Variants in BANK1 observed in about 807,000 individuals in gnomAD.
BANK1 encodes B cell scaffold protein with ankyrin repeats 1.
BANK1 carries 95 observed loss-of-function variants against 94.5 expected under a neutral mutation model. That is an observed-to-expected ratio of 1.00 (90% CI 0.85 to 1.19). The LOEUF (loss-of-function observed/expected upper bound fraction) is 1.19. Ranked by LOEUF, BANK1 falls within the 50% of genes most tolerant of loss-of-function variation. BANK1 has a pLI of 0.00. For missense variants in BANK1, 987 were observed against 932.2 expected, an observed-to-expected ratio of 1.06 and a Z score of -0.77; for synonymous variants, 334 against 308.4, an observed-to-expected ratio of 1.08 and a Z score of -0.87.
chr4:101,796,064 A>C (rs1306784406), intron 1 of BANK1, among the ~76,000 whole-genome samples: 1 of 152,228 alleles, frequency 6.6e-6, no homozygotes, highest in African/African-American at 2.4e-5. Flanking sequence ...AAGATTGATG[A>C]AAGATGAGAT....
At chr4:102,010,072 C>T (rs1320511584) in intron 7 of BANK1, among the ~76,000 whole-genome samples, 1 of 151,630 alleles carries the variant, frequency 6.6e-6, no homozygotes, top group Non-Finnish European at 1.5e-5. Context: ...CGAGACCATC[C>T]TGGCTAACAC....
intron 7 of BANK1, among the ~76,000 whole-genome samples, chr4:101,973,818 G>C (rs1725035434): frequency 6.6e-6 from 1 of 152,076 alleles, no homozygotes; most frequent in Non-Finnish European, 1.5e-5. Context: ...CTATGAAATA[G>C]AAAAGACAAT....
intron 5 of BANK1, among the ~76,000 whole-genome samples, chr4:101,879,160 GA>G (rs1298571072): frequency 1.3e-5 from 2 of 151,934 alleles, no homozygotes; most frequent in Admixed American, 6.6e-5. Flanking sequence ...AAAGATCAAT[GA>G]AAAAGTTTTC....
At chr4:102,026,367 T>TA (rs112296070) in intron 9 of BANK1, among the ~76,000 whole-genome samples, 2,642 of 143,974 alleles carry the variant, frequency 0.018, 60 homozygotes, top group African/African-American at 0.056. Flanking sequence ...ACAATTTAGT[T>TA]AAAAAAAAAA....
At chr4:101,800,860 C>T (rs10446707) in intron 1 of BANK1, among the ~76,000 whole-genome samples, 40,903 of 152,048 alleles carry the variant, frequency 0.27, 5,824 homozygotes, top group Non-Finnish European at 0.32. Context: ...TGGGTTCAAG[C>T]GATTCTCCTG....
intron 5 of BANK1, among the ~76,000 whole-genome samples, chr4:101,892,667 A>T (rs1268579985): frequency 1.3e-5 from 2 of 151,864 alleles, no homozygotes; most frequent in African/African-American, 4.8e-5. Flanking sequence ...GATAAATGTG[A>T]TTTTTTGATG....
chr4:101,896,540 CTG>C (rs1298484308), intron 6 of BANK1, among the ~76,000 whole-genome samples: 5 of 151,862 alleles, frequency 3.3e-5, no homozygotes, highest in African/African-American at 1.2e-4. Context: ...GGTATGCTAA[CTG>C]TGAATAAGTA....
intron 7 of BANK1, among the ~76,000 whole-genome samples, chr4:101,936,440 A>G (rs529494099): frequency 2.0e-5 from 3 of 150,366 alleles, no homozygotes; most frequent in South Asian, 4.2e-4. Flanking sequence ...TAAGATGTAT[A>G]CATGTTTGCA....
At chr4:102,002,618 G>C (rs1726119568) in intron 7 of BANK1, among the ~76,000 whole-genome samples, 1 of 150,236 alleles carries the variant, frequency 6.7e-6, no homozygotes, top group Admixed American at 6.6e-5. Flanking sequence ...TATACAAAAA[G>C]ATTTTTAAAG....
intron 6 of BANK1, among the ~76,000 whole-genome samples, chr4:101,906,953 G>T (rs1248546452): frequency 6.6e-6 from 1 of 152,118 alleles, no homozygotes; most frequent in Non-Finnish European, 1.5e-5. Context: ...GGGAAATCAG[G>T]GGTCTCACAG....
chr4:101,924,232 T>G (rs1026034313), intron 7 of BANK1, among the ~76,000 whole-genome samples: 1 of 151,836 alleles, frequency 6.6e-6, no homozygotes, highest in East Asian at 1.9e-4. Context: ...TCATGTCTAC[T>G]AAGCCCAGTG....
At position 102,073,829 on chromosome 4, in the gene BANK1, A is replaced by C; in HGVS notation, c.*5+81A>C. 6 of 1,154,172 alleles carry C rather than the reference A, an allele frequency of 5.2e-6. No individual in the cohort carries two copies. The South Asian group carries it at 8.4e-5, about 16-fold the overall frequency. The allele number at this position is 1,154,172 out of a possible 1,614,324, so 71.5% of individuals were successfully genotyped here. A position where few individuals can be genotyped will look rare whatever the true frequency, so the allele number is the denominator to read the frequency against. On this transcript the variant is annotated intron_variant, in intron 16 of 16. Transcript: ENST00000322953. Reference sequence around the variant, plus strand: ...CTTGAAGGTATCATTTGTCTAAAAAACAGAATTTTTTAAAGATTTCATTGT... The same window carrying C: ...CTTGAAGGTATCATTTGTCTAAAAACCAGAATTTTTTAAAGATTTCATTGT...
chr4:101,819,063 G>C (rs1726033221), intron 1 of BANK1, among the ~76,000 whole-genome samples: 1 of 151,774 alleles, frequency 6.6e-6, no homozygotes, highest in Non-Finnish European at 1.5e-5. Context: ...ACTCACATGG[G>C]CCCACTGGAA....
intron 7 of BANK1, among the ~76,000 whole-genome samples, chr4:101,936,808 C>T (rs907345710): frequency 6.6e-6 from 1 of 151,538 alleles, no homozygotes; most frequent in South Asian, 2.1e-4. Flanking sequence ...CAGGCAATAA[C>T]AAATACTGGT....
At chr4:101,941,928 T>C (rs1723760251) in intron 7 of BANK1, among the ~76,000 whole-genome samples, 1 of 151,980 alleles carries the variant, frequency 6.6e-6, no homozygotes, top group Non-Finnish European at 1.5e-5. Flanking sequence ...GTGGGGTAAC[T>C]GAGACTGAAA....
chr4:102,021,358 A>G (rs537735993), intron 7 of BANK1, among the ~76,000 whole-genome samples, 156 bp from the exon 8 acceptor site: 3 of 152,114 alleles, frequency 2.0e-5, no homozygotes, highest in South Asian at 4.1e-4. Flanking sequence ...TTTTAGTACT[A>G]TGTGCCATTG....
At chr4:101,976,256 G>A (rs190914381) in intron 7 of BANK1, among the ~76,000 whole-genome samples, 1 of 152,192 alleles carries the variant, frequency 6.6e-6, no homozygotes, top group East Asian at 1.9e-4. Flanking sequence ...AGGGAAAATC[G>A]ATAGTAATAA....
At chr4:101,888,146 T>G (rs1296915399) in intron 5 of BANK1, among the ~76,000 whole-genome samples, 3 of 152,214 alleles carry the variant, frequency 2.0e-5, no homozygotes, top group African/African-American at 4.8e-5. Flanking sequence ...CAATTTGTTA[T>G]AAGAAGAAGA....
At chr4:102,072,038 T>G (rs1728778827) in intron 14 of BANK1, among the ~76,000 whole-genome samples, 1 of 152,128 alleles carries the variant, frequency 6.6e-6, no homozygotes, top group Non-Finnish European at 1.5e-5. Context: ...CTGGTGAATG[T>G]GGAAAAGAAA....
Sources: gnomAD v4.1 joint callset for allele counts (sites outside exome capture counted in the v4.1 genomes callset) on GRCh38, gnomAD v4.1.1 for gene constraint, MANE v1.5 for transcripts, NCBI Gene and HGNC (gene_info 2026-07-23, HGNC 2026-07-21) for gene names.